Variants in ASTN2 observed in about 807,000 individuals in gnomAD.
The protein encoded by ASTN2 is astrotactin-2.
Under a neutral mutation model 139.8 loss-of-function variants are expected in ASTN2, and 54 were observed. That is an observed-to-expected ratio of 0.39 (90% CI 0.31 to 0.48). ASTN2 has a LOEUF of 0.48. Ranked by LOEUF, ASTN2 falls within the 20% of genes least tolerant of loss-of-function variation. The pLI, the probability that ASTN2 is intolerant of heterozygous loss-of-function variation, is 0.95. For synonymous variants in ASTN2, 756 were observed against 719.5 expected (o/e 1.05, Z -0.81); for missense variants, 1,565 against 1,725.1 (o/e 0.91, Z 1.64).
intron 19 of ASTN2, among the ~76,000 whole-genome samples, chr9:116,520,763 T>A (rs1020610585): frequency 6.6e-6 from 1 of 151,946 alleles, no homozygotes; most frequent in Non-Finnish European, 1.5e-5. Flanking sequence ...TAAAGACTCA[T>A]CCAAAAAGCT....
At chr9:117,244,683 CAGAA>C (rs1833324537) in intron 2 of ASTN2, among the ~76,000 whole-genome samples, 2 of 111,288 alleles carry the variant, frequency 1.8e-5, no homozygotes, top group Admixed American at 2.2e-4. Flanking sequence ...GATGGAAGGA[CAGAA>C]GGAAGGAGAG....
At chr9:116,742,128 A>C (rs988396092) in intron 13 of ASTN2, among the ~76,000 whole-genome samples, 1 of 152,202 alleles carries the variant, frequency 6.6e-6, no homozygotes, top group Admixed American at 6.5e-5. Context: ...TGAAAATGTT[A>C]AAATGTTTTT....
At chr9:117,168,904 A>G (rs1226091879) in intron 3 of ASTN2, among the ~76,000 whole-genome samples, 2 of 152,128 alleles carry the variant, frequency 1.3e-5, no homozygotes, top group East Asian at 3.9e-4. Context: ...GCGAAAAACA[A>G]TGTTTAAAGA....
At chr9:117,180,785 T>A (rs994792322) in intron 3 of ASTN2, 1 of 1,550,746 alleles carries the variant, frequency 6.4e-7, no homozygotes, top group African/African-American at 1.4e-5. Context: ...ATGAGCTGCT[T>A]CTCAGCCACC....
chr9:116,700,001 A>AG, intron 16 of ASTN2: 1 of 467,092 alleles, frequency 2.1e-6, no homozygotes, highest in Non-Finnish European at 4.0e-6. Context: ...GAGCCACTTT[A>AG]GCCCTTTGTG....
intron 19 of ASTN2, among the ~76,000 whole-genome samples, chr9:116,556,849 C>T (rs536476137): frequency 1.4e-4 from 21 of 152,006 alleles, no homozygotes; most frequent in Admixed American, 3.3e-4. Context: ...TATATATGTA[C>T]GCACACACAT....
intron 6 of ASTN2, among the ~76,000 whole-genome samples, chr9:117,016,669 GTTAC>G (rs1837710920): frequency 8.7e-6 from 1 of 115,596 alleles, no homozygotes; most frequent in African/African-American, 3.9e-5. Flanking sequence ...CTATATATAT[GTTAC>G]ATATATATAG....
chr9:116,705,223 T>C (rs2132087097), intron 16 of ASTN2, among the ~76,000 whole-genome samples: 1 of 152,302 alleles, frequency 6.6e-6, no homozygotes, highest in Middle Eastern at 3.4e-3. Flanking sequence ...TCACATTTTA[T>C]TGCAGTATTG....
At chr9:117,218,733 C>A (rs1238026498) in intron 2 of ASTN2, among the ~76,000 whole-genome samples, 2 of 152,166 alleles carry the variant, frequency 1.3e-5, no homozygotes, top group Non-Finnish European at 2.9e-5. Context: ...TCGGAGTTGG[C>A]CAATACTTGT....
At chr9:117,106,782 C>G (rs1829115890) in intron 4 of ASTN2, among the ~76,000 whole-genome samples, 2 of 152,078 alleles carry the variant, frequency 1.3e-5, no homozygotes, top group South Asian at 4.1e-4. Flanking sequence ...ATCTATCTAT[C>G]TATCTATCTG....
chr9:117,133,191 C>G (rs939330637), intron 4 of ASTN2, among the ~76,000 whole-genome samples: 1 of 152,170 alleles, frequency 6.6e-6, no homozygotes, highest in Non-Finnish European at 1.5e-5. Context: ...TAGCCCATCA[C>G]CTTTGCTTTC....
At chr9:116,624,227 T>C (rs1375737707) in intron 17 of ASTN2, among the ~76,000 whole-genome samples, 1 of 152,176 alleles carries the variant, frequency 6.6e-6, no homozygotes, top group Non-Finnish European at 1.5e-5. Context: ...CTTTTTGAAC[T>C]TGCATAAAAG....
chr9:117,256,268 T>C (rs934474595), intron 2 of ASTN2, among the ~76,000 whole-genome samples: 3 of 152,154 alleles, frequency 2.0e-5, no homozygotes, highest in Non-Finnish European at 4.4e-5. Flanking sequence ...GTTCAGAGGC[T>C]GCTGGGAAAG....
chr9:117,391,294 T>G (rs1362302433), intron 1 of ASTN2, among the ~76,000 whole-genome samples: 1 of 152,160 alleles, frequency 6.6e-6, no homozygotes, highest in Non-Finnish European at 1.5e-5. Context: ...ATGCTGCTGA[T>G]AAAGACATAC....
intron 19 of ASTN2, among the ~76,000 whole-genome samples, chr9:116,572,242 G>A (rs552567050): frequency 3.9e-5 from 6 of 152,170 alleles, no homozygotes; most frequent in East Asian, 1.9e-4. Flanking sequence ...TGACACCTCC[G>A]CTGCTCTGGC....
chr9:116,993,876 A>ATATATATATATATTTT (rs1030120382), intron 7 of ASTN2, among the ~76,000 whole-genome samples: 41 of 142,052 alleles, frequency 2.9e-4, no homozygotes, highest in Non-Finnish European at 4.5e-4. Context: ...ATATATATAT[A>ATATATATATATATTTT]TTTTAACTAT....
intron 13 of ASTN2, among the ~76,000 whole-genome samples, chr9:116,764,170 C>T (rs774588864): frequency 2.0e-5 from 3 of 152,314 alleles, no homozygotes; most frequent in Non-Finnish European, 4.4e-5. Flanking sequence ...GCCAGGTTCC[C>T]TTCAAGCGGG....
At chr9:116,619,136 T>C (rs908749960) in intron 18 of ASTN2, among the ~76,000 whole-genome samples, 4 of 152,114 alleles carry the variant, frequency 2.6e-5, no homozygotes, top group Non-Finnish European at 5.9e-5. Flanking sequence ...ATTCCCTTTT[T>C]CCACGATACC....
intron 17 of ASTN2, among the ~76,000 whole-genome samples, chr9:116,628,304 G>A (rs1412803201): frequency 6.6e-6 from 1 of 152,138 alleles, no homozygotes; most frequent in African/African-American, 2.4e-5. Flanking sequence ...GAGAATCCAA[G>A]GGAACTCCAA....
Sources: gnomAD v4.1 joint callset for allele counts (sites outside exome capture counted in the v4.1 genomes callset) on GRCh38, gnomAD v4.1.1 for gene constraint, MANE v1.5 for transcripts, NCBI Gene and HGNC (gene_info 2026-07-23, HGNC 2026-07-21) for gene names.